Variants in ZBTB7C observed in about 807,000 individuals in gnomAD.
ZBTB7C encodes the protein zinc finger and BTB domain-containing protein 7C.
Under a neutral mutation model 25.7 loss-of-function variants are expected in ZBTB7C, and 8 were observed. The observed-to-expected ratio is 0.31, with a 90% CI of 0.18 to 0.56. The LOEUF is 0.56. ZBTB7C is among the 20% of genes least tolerant of loss of function. The pLI is 0.91. For synonymous variants in ZBTB7C, 394 were observed against 369.0 expected (o/e 1.07, Z -0.78); for missense variants, 824 against 855.2 (o/e 0.96, Z 0.46).
chr18:48,204,369 C>T (rs2042530075), intron 2 of ZBTB7C, among the ~76,000 whole-genome samples: 4 of 152,184 alleles, frequency 2.6e-5, no homozygotes, highest in Admixed American at 2.6e-4. Flanking sequence ...ATCATCTCCT[C>T]CTCTTTCTTG....
intron 3 of ZBTB7C, among the ~76,000 whole-genome samples, chr18:48,052,210 G>A (rs1242413935): frequency 1.3e-5 from 2 of 152,222 alleles, no homozygotes; most frequent in African/African-American, 4.8e-5. Flanking sequence ...TGGCTCCCTG[G>A]AGGGTGGGGC....
intron 3 of ZBTB7C, among the ~76,000 whole-genome samples, chr18:48,154,742 C>T (rs933165552): frequency 6.6e-6 from 1 of 152,204 alleles, no homozygotes; most frequent in African/African-American, 2.4e-5. Flanking sequence ...TGCACTCGCC[C>T]TCACCCTCCA....
At chr18:48,187,080 G>C (rs1365710796) in intron 2 of ZBTB7C, among the ~76,000 whole-genome samples, 1 of 152,208 alleles carries the variant, frequency 6.6e-6, no homozygotes, top group African/African-American at 2.4e-5. Flanking sequence ...ATACTGTGCA[G>C]CTCTGCTCAA....
intron 3 of ZBTB7C, among the ~76,000 whole-genome samples, chr18:48,108,353 C>G (rs533199709): frequency 6.6e-6 from 1 of 152,288 alleles, no homozygotes; most frequent in South Asian, 2.1e-4. Flanking sequence ...GGAGGATCAG[C>G]AGCGACCACA....
intron 3 of ZBTB7C, among the ~76,000 whole-genome samples, chr18:48,146,040 T>C (rs1315236415): frequency 1.3e-5 from 2 of 152,172 alleles, no homozygotes; most frequent in Admixed American, 1.3e-4. Context: ...ATTTAATTTT[T>C]TCCTAGGTTT....
intron 3 of ZBTB7C, among the ~76,000 whole-genome samples, chr18:48,068,301 G>A (rs909432739): frequency 3.0e-4 from 46 of 151,858 alleles, no homozygotes; most frequent in Admixed American, 2.7e-3. Flanking sequence ...CACCACGCCT[G>A]GCTAATTTTT....
chr18:48,212,897 C>T (rs1163029928), intron 2 of ZBTB7C, among the ~76,000 whole-genome samples: 1 of 152,106 alleles, frequency 6.6e-6, no homozygotes, highest in East Asian at 1.9e-4. Context: ...GCTGAAAACC[C>T]TCCTCTGCCT....
At chr18:48,308,890 T>C (rs72911504) in intron 2 of ZBTB7C, among the ~76,000 whole-genome samples, 27,107 of 152,106 alleles carry the variant, frequency 0.18, 2,513 homozygotes, top group African/African-American at 0.21. Context: ...CCAAGCCCTC[T>C]GTGTGAGTCT....
chr18:48,296,915 C>A (rs990338459), intron 2 of ZBTB7C, among the ~76,000 whole-genome samples: 1 of 152,198 alleles, frequency 6.6e-6, no homozygotes, highest in Admixed American at 6.5e-5. Flanking sequence ...CCAGCGTGGG[C>A]AACATGGCCA....
chr18:48,371,818 T>C (rs2047395549), intron 1 of ZBTB7C, among the ~76,000 whole-genome samples: 1 of 152,232 alleles, frequency 6.6e-6, no homozygotes, highest in Admixed American at 6.5e-5. Flanking sequence ...TTCATTACCC[T>C]GGAAGGTAGG....
chr18:48,280,248 C>A (rs2044796533), intron 2 of ZBTB7C, among the ~76,000 whole-genome samples: 1 of 151,934 alleles, frequency 6.6e-6, no homozygotes, highest in Admixed American at 6.6e-5. Context: ...ACACTGCAGC[C>A]TGAGGGTTTC....
At chr18:48,138,688 G>A (rs2040248752) in intron 3 of ZBTB7C, among the ~76,000 whole-genome samples, 1 of 152,302 alleles carries the variant, frequency 6.6e-6, no homozygotes, top group African/African-American at 2.4e-5. Flanking sequence ...AAGATTGGAT[G>A]ACTCCATAGC....
chr18:48,210,726 G>T (rs2042684023), intron 2 of ZBTB7C, among the ~76,000 whole-genome samples: 1 of 151,686 alleles, frequency 6.6e-6, no homozygotes, highest in Non-Finnish European at 1.5e-5. Flanking sequence ...AAATGTTCTG[G>T]AATTAGAAGA....
intron 2 of ZBTB7C, among the ~76,000 whole-genome samples, chr18:48,242,548 C>T (rs1431798548): frequency 2.6e-5 from 4 of 152,092 alleles, no homozygotes; most frequent in Admixed American, 1.3e-4. Context: ...GTTTAATATA[C>T]ACAAATCAAT....
intron 2 of ZBTB7C, among the ~76,000 whole-genome samples, chr18:48,191,919 T>G (rs752581653): frequency 9.9e-5 from 15 of 152,230 alleles, no homozygotes; most frequent in Non-Finnish European, 1.8e-4. Context: ...AGGCTTACCA[T>G]AGACTCCAGC....
intron 2 of ZBTB7C, among the ~76,000 whole-genome samples, chr18:48,284,855 C>CTTTGGT (rs2044993333): frequency 1.3e-5 from 2 of 150,622 alleles, no homozygotes; most frequent in African/African-American, 4.9e-5. Flanking sequence ...CCCCAGCCTC[C>CTTTGGT]TTTGGTTTTA....
intron 3 of ZBTB7C, among the ~76,000 whole-genome samples, chr18:48,132,028 C>T (rs894105031): frequency 6.6e-6 from 1 of 152,150 alleles, no homozygotes; most frequent in African/African-American, 2.4e-5. Flanking sequence ...CCAGCAATTC[C>T]ACTCCTAGGT....
intron 3 of ZBTB7C, among the ~76,000 whole-genome samples, chr18:48,135,718 C>T (rs944984380): frequency 2.0e-5 from 3 of 152,282 alleles, no homozygotes; most frequent in Admixed American, 2.0e-4. Flanking sequence ...TTGAACCTGG[C>T]AGAGCCTTTA....
At chr18:48,326,095 CTTT>C (rs34725749) in intron 2 of ZBTB7C, among the ~76,000 whole-genome samples, 2 of 126,162 alleles carry the variant, frequency 1.6e-5, no homozygotes, top group African/African-American at 2.9e-5. Flanking sequence ...CTACCAACAT[CTTT>C]TTTTTTTTTT....
Sources: allele counts gnomAD v4.1 joint callset (sites outside exome capture counted in the v4.1 genomes callset), GRCh38; gene constraint gnomAD v4.1.1; transcripts MANE v1.5; gene names NCBI Gene and HGNC (gene_info 2026-07-23, HGNC 2026-07-21).